The following BMP8B variants were observed in gnomAD, a reference collection of about 807,000 sequenced individuals.
The protein encoded by BMP8B is bone morphogenetic protein 8 (osteogenic protein 2).
A neutral mutation model predicts 30.3 loss-of-function variants in BMP8B; 17 were observed. The observed-to-expected ratio is 0.56, with a 90% CI of 0.38 to 0.84. BMP8B has a LOEUF of 0.84. BMP8B is among the 40% of genes least tolerant of loss of function. The pLI is 0.00. For synonymous variants in BMP8B, 131 were observed against 214.7 expected (o/e 0.61, Z 3.41); for missense variants, 253 against 494.6 (o/e 0.51, Z 4.63).
intron 1 of BMP8B, among the ~76,000 whole-genome samples, chr1:39,784,479 T>C (rs1410843658): frequency 1.1e-4 from 15 of 132,954 alleles, no homozygotes; most frequent in Non-Finnish European, 1.3e-4. Context: ...CAATTACCTT[T>C]AGGGCTCATG....
chr1:39,779,303 A>G (rs1333569614), intron 1 of BMP8B, among the ~76,000 whole-genome samples: 2 of 152,026 alleles, frequency 1.3e-5, no homozygotes, highest in African/African-American at 4.8e-5. Flanking sequence ...GTCCCACCTG[A>G]CCAGACCCAG....
Position 39,787,958 on chromosome 1 carries a change from C to T in BMP8B, c.334+194G>A, listed in dbSNP as rs377734512. Among the ~76,000 whole-genome samples the T allele has an allele frequency of 6.4e-4, 98 of 152,330 alleles. No individual in the cohort carries two copies. In the Middle Eastern group the frequency reaches 0.01, roughly 16 times the overall value. On this transcript the variant is annotated intron_variant, in intron 1 of 6. Transcript: ENST00000372827. The stretch of plus-strand genomic sequence containing the variant: ...GTCCACAGTCCCCCACACTCTGCTC[C>T]TGACCACCCCGCAGCCCAGGGGGCC...
At chr1:39,783,660 C>T (rs1650801244) in intron 1 of BMP8B, among the ~76,000 whole-genome samples, 1 of 152,222 alleles carries the variant, frequency 6.6e-6, no homozygotes, top group South Asian at 2.1e-4. Flanking sequence ...GTAATCCCAG[C>T]ACTTTGGGAG....
At chr1:39,767,318 G>T (rs1478019976) in intron 3 of BMP8B, among the ~76,000 whole-genome samples, 1 of 151,376 alleles carries the variant, frequency 6.6e-6, no homozygotes, top group Non-Finnish European at 1.5e-5. Context: ...CAAGGTCCCA[G>T]AGCAAGGTGG....
At chr1:39,787,753 G>A (rs1374264640) in intron 1 of BMP8B, among the ~76,000 whole-genome samples, 3 of 152,166 alleles carry the variant, frequency 2.0e-5, no homozygotes, top group African/African-American at 7.2e-5. Context: ...AGGTTTCCAC[G>A]CTGAACTTTG....
rs560457608 is a variant in BMP8B, at chr1:39,761,029, G to A, written c.1060-461C>T. On this transcript the variant is annotated intron_variant, in intron 6 of 6. Transcript: ENST00000372827. Reference sequence around the variant, plus strand: ...CCAGTCTCTGGGAGGCCAGGCCTCCGCCCCTCTCCTGTGCTGCTCCTTCCC... The same window carrying A: ...CCAGTCTCTGGGAGGCCAGGCCTCCACCCCTCTCCTGTGCTGCTCCTTCCC... Among the ~76,000 whole-genome samples, 113 of 152,022 alleles carry A rather than the reference G, an allele frequency of 7.4e-4. 1 individual carries two copies. Among genetic ancestry groups the A allele is most frequent in the African/African-American group, 2.5e-3 (102 of 41,492 alleles).
rs2124395028 is a variant in BMP8B at position 39,758,006 on chromosome 1, A to G, written c.*2413T>C. 6.6e-6 allele frequency: 1 copy of G among 152,310 alleles called. No individual in the cohort carries two copies. The highest frequency in any genetic ancestry group is 2.4e-5 in the African/African-American group (1 of 41,560). The allele number at this position is 152,310 out of a possible 1,614,324, so 9.4% of individuals were successfully genotyped here. On this transcript the variant is annotated 3_prime_UTR_variant, in exon 7 of 7. Transcript: ENST00000372827. The stretch of plus-strand genomic sequence containing the variant: ...GGTTCCTGCTATGCACAGCTTGATT[A>G]ATGGGTAAGGTGTACTCCATATCTA...
chr1:39,763,558 C>T, intron 5 of BMP8B, 154 bp downstream of exon 5: 23 of 1,184,356 alleles, frequency 1.9e-5, no homozygotes, highest in Non-Finnish European at 2.6e-5. Context: ...AACCCTTTCT[C>T]ACCATATTCT....
At position 39,759,002 on chromosome 1, in the gene BMP8B, G is replaced by C. The variant is rs1648592082; in HGVS notation, c.*1417C>G. ...TGGGGAGGTGGAACCACTCTGCCGG[G>C]CTGTGCCTGTGGATGGGGCGGGCGC... On this transcript the variant is annotated 3_prime_UTR_variant, in exon 7 of 7. Coordinates refer to ENST00000372827, the MANE Select transcript of BMP8B (RefSeq NM_001720.5). 1 of 152,370 alleles carries C rather than the reference G, an allele frequency of 6.6e-6. No homozygotes were observed. The highest frequency in any genetic ancestry group is 6.5e-5 in the Admixed American group (1 of 15,290). 9.4% of individuals were successfully genotyped at this position (152,370 alleles called of 1,614,324 possible). A position where few individuals can be genotyped will look rare whatever the true frequency, so the allele number is the denominator to read the frequency against.
intron 1 of BMP8B, among the ~76,000 whole-genome samples, chr1:39,777,356 C>T (rs1198685231): frequency 1.3e-5 from 2 of 152,248 alleles, no homozygotes; most frequent in Non-Finnish European, 2.9e-5. Flanking sequence ...TCTAAACCAC[C>T]TTAATGTGGC....
intron 3 of BMP8B, chr1:39,771,445 G>C: frequency 6.0e-6 from 4 of 668,976 alleles, no homozygotes; most frequent in Non-Finnish European, 6.7e-6. Context: ...CCCTGGGCTG[G>C]GGGCCCCCGA....
chr1:39,779,789 CTG>C (rs1650499781), intron 1 of BMP8B, among the ~76,000 whole-genome samples: 2 of 152,232 alleles, frequency 1.3e-5, no homozygotes, highest in South Asian at 4.1e-4. Context: ...GCTAACCTGA[CTG>C]TGTTAGTTGT....
chr1:39,767,081 G>A (rs1420992822), intron 3 of BMP8B, among the ~76,000 whole-genome samples: 2 of 152,094 alleles, frequency 1.3e-5, no homozygotes, highest in Non-Finnish European at 2.9e-5. Context: ...CTGTGTTCAA[G>A]GGTCTTATGG....
chr1:39,762,836 T>C (rs1238279482), intron 6 of BMP8B, among the ~76,000 whole-genome samples: 1 of 152,244 alleles, frequency 6.6e-6, no homozygotes, highest in African/African-American at 2.4e-5. Context: ...AGGAGTTTGT[T>C]CGGTGCATAG....
chr1:39,783,451 T>C (rs1017597084), intron 1 of BMP8B, among the ~76,000 whole-genome samples: 2 of 152,138 alleles, frequency 1.3e-5, no homozygotes, highest in Non-Finnish European at 2.9e-5. Flanking sequence ...AGACAGAACT[T>C]TGGGGAAAAG....
chr1:39,764,108 C>A (rs1294116763), intron 4 of BMP8B, among the ~76,000 whole-genome samples: 3 of 151,628 alleles, frequency 2.0e-5, no homozygotes, highest in African/African-American at 7.3e-5. Flanking sequence ...TCTCTGGAGA[C>A]CCCTGTGACT....
rs138246844 is a variant in BMP8B, at chr1:39,763,173, C to G, written c.978G>C (p.Ser326=). The stretch of plus-strand genomic sequence containing the variant: ...AGCACTCCCCCTCACAGTAATAGGC[C>G]GAGTAGCCTTGGGGAGCGATGACCC... ...LDWVIAPQGY[S]AYYCEGECSF... Residue 326 remains serine, a synonymous_variant, in exon 6 of 7, where the codon TCG becomes TCC. Transcript: ENST00000372827. 3.4e-4 allele frequency: 541 copies of G among 1,613,602 alleles called. No homozygotes were observed. The highest frequency in any genetic ancestry group is 4.3e-4 in the Non-Finnish European group (505 of 1,179,876).
At chr1:39,771,521 A>T (rs2676690) in intron 3 of BMP8B, among the ~76,000 whole-genome samples, 33 of 151,806 alleles carry the variant, frequency 2.2e-4, no homozygotes, top group African/African-American at 5.6e-4. Context: ...GCTCCGCGAG[A>T]AGGGCACAGG....
At chr1:39,778,534 A>G (rs146873492) in intron 1 of BMP8B, among the ~76,000 whole-genome samples, 17,932 of 144,992 alleles carry the variant, frequency 0.12, 1,554 homozygotes, top group Middle Eastern at 0.29. Context: ...CCTCAAGGCG[A>G]GCCCAGGGCT....
Sources: allele counts gnomAD v4.1 joint callset (sites outside exome capture counted in the v4.1 genomes callset), GRCh38; gene constraint gnomAD v4.1.1; transcripts MANE v1.5; gene names NCBI Gene and HGNC (gene_info 2026-07-23, HGNC 2026-07-21).